Variants in SPRYD7 observed in about 807,000 individuals in gnomAD.
SPRYD7 encodes the protein SPRY domain containing 7.
A neutral mutation model predicts 23.8 loss-of-function variants in SPRYD7; 14 were observed. The observed-to-expected ratio is 0.59, with a 90% CI of 0.39 to 0.92. SPRYD7 has a LOEUF of 0.92. Among genes scored for constraint, SPRYD7 ranks in the 40% least tolerant of loss-of-function variants. The pLI, the probability that SPRYD7 is intolerant of heterozygous loss-of-function variation, is 0.00. For missense variants in SPRYD7, 194 were observed against 241.7 expected (o/e 0.80, Z 1.31); for synonymous variants, 75 against 84.9 (o/e 0.88, Z 0.64).
Position 49,915,180 on chromosome 13 carries a change from A to T in SPRYD7, c.494-20T>A. Reference sequence around the variant, plus strand: ...CATCAACTAAAGGATACAAAAAGAAAGAAAATAAATTAGAAGCAAATACTT... The same window carrying T: ...CATCAACTAAAGGATACAAAAAGAATGAAAATAAATTAGAAGCAAATACTT... On this transcript the variant is annotated intron_variant, in intron 4 of 4. Coordinates refer to ENST00000361840, the MANE Select transcript of SPRYD7 (RefSeq NM_020456.4). The T allele has an allele frequency of 7.9e-7, 1 of 1,266,252 alleles. No individual in the cohort carries two copies. Among genetic ancestry groups the T allele is most frequent in the Non-Finnish European group, 1.1e-6 (1 of 904,452 alleles). The allele number at this position is 1,266,252 out of a possible 1,614,324, so 78.4% of individuals were successfully genotyped here.
chr13:49,927,145 G>A (rs1168835495), intron 3 of SPRYD7, among the ~76,000 whole-genome samples: 2 of 152,086 alleles, frequency 1.3e-5, no homozygotes, highest in Non-Finnish European at 2.9e-5. Flanking sequence ...TAATGAAGAT[G>A]AACATTTCTG....
At position 49,928,062 on chromosome 13, in the gene SPRYD7, T is replaced by A. The variant is rs1484327222; in HGVS notation, c.247A>T (p.Thr83Ser). The change falls in exon 3 of 5, where the codon ACT becomes TCT. Residue 83 changes from threonine (T) to serine (S), a missense_variant. Physicochemically the swap from Thr to Ser is moderately conservative, Grantham distance 58. Transcript: ENST00000361840. ...ATCTGATTCAAGTTAACCTTCTGAG[T>A]TGCAACACCAATACCCCAGATTCCT... ...STGIWGIGVA[T>S]QKVNLNQIPL... 7 of 1,613,990 alleles carry A rather than the reference T, an allele frequency of 4.3e-6. No individual in the cohort carries two copies. The African/African-American group carries it at 9.3e-5, about 22-fold the overall frequency.
intron 1 of SPRYD7, 88 bp from the exon 2 acceptor site, chr13:49,931,222 C>T: frequency 2.5e-6 from 2 of 801,850 alleles, no homozygotes; most frequent in South Asian, 1.7e-5. Flanking sequence ...CTCTGTCACC[C>T]AGGCTGGAGT....
Position 49,913,433 on chromosome 13 carries a change from G to C in SPRYD7, c.*1630C>G, listed in dbSNP as rs1465973718. 2 of 114,896 alleles carry C rather than the reference G, an allele frequency of 1.7e-5. No individual in the cohort carries two copies. The highest frequency in any genetic ancestry group is 3.7e-5 in the Non-Finnish European group (2 of 53,656). The allele number at this position is 114,896 out of a possible 1,614,324, so 7.1% of individuals were successfully genotyped here. ...AGACTCTGTCTCAAAAAAAAAACGA[G>C]AAAAAAAAAAAAAGAAAGAAAACCA... On this transcript the variant is annotated 3_prime_UTR_variant, in exon 5 of 5. Transcript: ENST00000361840.
At chr13:49,916,655 C>G (rs192209982) in intron 4 of SPRYD7, among the ~76,000 whole-genome samples, 4 of 151,754 alleles carry the variant, frequency 2.6e-5, no homozygotes, top group African/African-American at 9.7e-5. Flanking sequence ...ATAGGTTATT[C>G]TAGAAGAAAT....
Position 49,914,841 on chromosome 13 carries a change from TAAG to T in SPRYD7, c.*219_*221del, listed in dbSNP as rs555663702. 144 of 246,008 alleles carry T rather than the reference TAAG, an allele frequency of 5.9e-4. 1 individual carries two copies. Among genetic ancestry groups the T allele is most frequent in the African/African-American group, 3.0e-3 (134 of 44,296 alleles). 15.2% of individuals were successfully genotyped at this position (246,008 alleles called of 1,614,324 possible). Reference sequence around the variant, plus strand: ...AAACCCATAATTCTATTTATTTAAATAAGAATTAAATAAACTGCCCAAATGCTT... The same window carrying T: ...AAACCCATAATTCTATTTATTTAAATAATTAAATAAACTGCCCAAATGCTT... On this transcript the variant is annotated 3_prime_UTR_variant, in exon 5 of 5. Coordinates refer to ENST00000361840, the MANE Select transcript of SPRYD7 (RefSeq NM_020456.4).
intron 1 of SPRYD7, chr13:49,935,714 G>T: frequency 6.5e-6 from 1 of 154,554 alleles, no homozygotes; most frequent in Non-Finnish European, 1.4e-5. Context: ...ACCTATAAAT[G>T]ATGGGGCTCA....
intron 2 of SPRYD7, among the ~76,000 whole-genome samples, chr13:49,929,838 G>T (rs1284546902): frequency 6.7e-6 from 1 of 150,258 alleles, no homozygotes; most frequent in Admixed American, 6.7e-5. Flanking sequence ...TGCCCAGGCT[G>T]CAGTGCAGTG....
chr13:49,931,171 A>C, intron 1 of SPRYD7, 37 bp from the exon 2 acceptor site: 1 of 1,370,852 alleles, frequency 7.3e-7, no homozygotes, highest in Non-Finnish European at 1.0e-6. Flanking sequence ...AAAGTTTTGT[A>C]TTTTCTTTTC....
intron 3 of SPRYD7, among the ~76,000 whole-genome samples, chr13:49,925,194 C>T (rs1195549096): frequency 1.3e-5 from 2 of 151,250 alleles, no homozygotes; most frequent in Non-Finnish European, 2.9e-5. Context: ...AGTTCGAGAC[C>T]AGCCTGTCCA....
In SPRYD7 at chr13:49,924,986, A is replaced by AAAT. The variant is rs1555316937; in HGVS notation, c.390+2930_390+2932dup. On this transcript the variant is annotated intron_variant, in intron 3 of 4. Transcript: ENST00000361840. ...AGCAAAACTCCATCTCAAAAAAAAA[A>AAAT]AATAAATAAATAATAATAATAATAA... is the stretch of plus-strand genomic sequence containing the variant. Among the ~76,000 whole-genome samples, 4 of 134,136 alleles carry AAAT rather than the reference A, an allele frequency of 3.0e-5. No individual in the cohort carries two copies. The East Asian group carries it at 1.0e-3, about 35-fold the overall frequency. 88.0% of individuals were successfully genotyped at this position (134,136 alleles called of 152,430 possible). A position where few individuals can be genotyped will look rare whatever the true frequency, so the allele number is the denominator to read the frequency against.
At position 49,921,167 on chromosome 13, in the gene SPRYD7, C is replaced by T. The variant is rs918652275; in HGVS notation, c.493+311G>A. 4.7e-4 allele frequency among the ~76,000 whole-genome samples: 72 copies of T among 152,106 alleles called. 1 individual carries two copies. Among genetic ancestry groups the T allele is most frequent in the African/African-American group, 1.7e-3 (72 of 41,422 alleles). ...ATTGAATCATGGGGGTGGTTACACT[C>T]ATGCTGTTCTTGTAAAAGTGAGTGA... is the stretch of plus-strand genomic sequence containing the variant. On this transcript the variant is annotated intron_variant, in intron 4 of 4. Coordinates refer to ENST00000361840, the MANE Select transcript of SPRYD7 (RefSeq NM_020456.4).
At chr13:49,922,815 G>GT (rs1955835273) in intron 3 of SPRYD7, among the ~76,000 whole-genome samples, 1 of 5,482 alleles carries the variant, frequency 1.8e-4, no homozygotes, top group African/African-American at 8.8e-4. Context: ...CTTTTTAGAG[G>GT]TAAAAAAAAA....
At chr13:49,922,095 A>T (rs1377520843) in intron 3 of SPRYD7, among the ~76,000 whole-genome samples, 1 of 151,996 alleles carries the variant, frequency 6.6e-6, no homozygotes, top group East Asian at 1.9e-4. Context: ...TCTGGTTTCA[A>T]ATGTGTCAAG....
intron 3 of SPRYD7, among the ~76,000 whole-genome samples, chr13:49,923,661 T>C (rs1015997331): frequency 2.1e-4 from 21 of 101,678 alleles, no homozygotes; most frequent in African/African-American, 8.6e-4. Flanking sequence ...TTTTCTTTCT[T>C]TTTTTTTTTG....
At chr13:49,928,513 G>A (rs1255090179) in intron 2 of SPRYD7, among the ~76,000 whole-genome samples, 1 of 152,238 alleles carries the variant, frequency 6.6e-6, no homozygotes, top group African/African-American at 2.4e-5. Context: ...CAGCCTAGGA[G>A]ATAAGAGAGT....
chr13:49,936,329 G>T lies in SPRYD7; in HGVS notation c.-94C>A. On this transcript the variant is annotated 5_prime_UTR_variant, in exon 1 of 5. Coordinates refer to ENST00000361840, the MANE Select transcript of SPRYD7 (RefSeq NM_020456.4). ...CGTCTCCTGCCCCCGCCCGAGGTCC[G>T]GACTTGTCTATGTGGAGCTCGGAGG... 1 of 875,452 alleles carries T rather than the reference G, an allele frequency of 1.1e-6. No homozygotes were observed. Among genetic ancestry groups the T allele is most frequent in the Non-Finnish European group, 1.7e-6 (1 of 586,402 alleles). The allele number at this position is 875,452 out of a possible 1,614,324, so 54.2% of individuals were successfully genotyped here. A position where few individuals can be genotyped will look rare whatever the true frequency, so the allele number is the denominator to read the frequency against.
chr13:49,919,813 A>C (rs1045761176), intron 4 of SPRYD7, among the ~76,000 whole-genome samples: 2 of 151,892 alleles, frequency 1.3e-5, no homozygotes, highest in Non-Finnish European at 1.5e-5. Flanking sequence ...TTTCTAAAAA[A>C]AAAAAAAGAA....
intron 2 of SPRYD7, among the ~76,000 whole-genome samples, chr13:49,929,368 T>C (rs991051963): frequency 5.9e-5 from 9 of 152,196 alleles, no homozygotes; most frequent in African/African-American, 2.2e-4. Flanking sequence ...AAATTTTATA[T>C]CATTCAAGGC....
Sources: allele counts gnomAD v4.1 joint callset (sites outside exome capture counted in the v4.1 genomes callset), GRCh38; gene constraint gnomAD v4.1.1; transcripts MANE v1.5; gene names NCBI Gene and HGNC (gene_info 2026-07-23, HGNC 2026-07-21).